Variants in QKI observed in about 807,000 individuals in gnomAD.
QKI encodes the protein QKI, KH domain containing RNA binding.
In QKI, 10 loss-of-function variants were observed where a neutral mutation model predicts 39.0. That is an observed-to-expected ratio of 0.26 (90% confidence interval 0.16 to 0.43). The LOEUF is 0.43. Among genes scored for constraint, QKI ranks in the 20% least tolerant of loss-of-function variants. The probability of loss-of-function intolerance (pLI) is 1.00; values close to 1 mark genes in which losing one functional copy is unlikely to be tolerated. For synonymous variants in QKI, 204 were observed against 155.4 expected (o/e 1.31, Z -2.33); for missense variants, 218 against 428.0 (o/e 0.51, Z 4.33).
chr6:163,539,632 G>A (rs78658548), intron 4 of QKI, among the ~76,000 whole-genome samples: 1 of 152,130 alleles, frequency 6.6e-6, no homozygotes, highest in South Asian at 2.1e-4. Flanking sequence ...AAGAGATGCT[G>A]CATGAATTTG....
chr6:163,449,870 C>G (rs766346476), intron 1 of QKI, among the ~76,000 whole-genome samples: 10 of 151,930 alleles, frequency 6.6e-5, no homozygotes, highest in Non-Finnish European at 1.3e-4. Context: ...AGATTTCTCA[C>G]CCCATATTTT....
At chr6:163,494,381 C>A (rs531777952) in intron 3 of QKI, among the ~76,000 whole-genome samples, 6 of 152,128 alleles carry the variant, frequency 3.9e-5, no homozygotes, top group African/African-American at 1.4e-4. Flanking sequence ...ACTGTAGTAA[C>A]GTTTTGTTCA....
chr6:163,445,380 A>ACTCTGTTGGTTT (rs1554259858), intron 1 of QKI, among the ~76,000 whole-genome samples: 11 of 83,236 alleles, frequency 1.3e-4, no homozygotes, highest in South Asian at 2.9e-4. Flanking sequence ...CTGGTCCAGG[A>ACTCTGTTGGTTT]TTCCACATTG....
chr6:163,440,835 C>T (rs532774975), intron 1 of QKI, among the ~76,000 whole-genome samples: 20 of 149,642 alleles, frequency 1.3e-4, no homozygotes, highest in East Asian at 5.8e-4. Context: ...AATGCATATA[C>T]GAAAAAAATC....
At chr6:163,480,440 C>G (rs1792990474) in intron 3 of QKI, among the ~76,000 whole-genome samples, 1 of 152,172 alleles carries the variant, frequency 6.6e-6, no homozygotes, top group Non-Finnish European at 1.5e-5. Flanking sequence ...TCTGAGCCCT[C>G]CGCCTCATGT....
chr6:163,509,738 A>G (rs1779317533), intron 3 of QKI, among the ~76,000 whole-genome samples: 1 of 152,090 alleles, frequency 6.6e-6, no homozygotes, highest in African/African-American at 2.4e-5. Flanking sequence ...TAATGTATAT[A>G]TAGATATATT....
At chr6:163,539,266 C>A (rs1448021753) in intron 4 of QKI, among the ~76,000 whole-genome samples, 1 of 152,096 alleles carries the variant, frequency 6.6e-6, no homozygotes, top group African/African-American at 2.4e-5. Context: ...AAATCATCAG[C>A]CATTGGATTT....
chr6:163,552,411 C>T lies in QKI; in HGVS notation c.547-9571C>T, dbSNP rs536404264. Among the ~76,000 whole-genome samples the T allele has an allele frequency of 2.6e-5, 4 of 152,012 alleles. No homozygotes were observed. In the South Asian group the frequency reaches 6.2e-4, roughly 24 times the overall value. On this transcript the variant is annotated intron_variant, in intron 4 of 7. Coordinates refer to ENST00000361752, the MANE Select transcript of QKI (RefSeq NM_006775.3). ...TTTTTGACTAGAGACAGGGTTTCAC[C>T]GTGTTAGCCAGGATGGTCTCGATCT...
intron 3 of QKI, among the ~76,000 whole-genome samples, chr6:163,514,104 T>G (rs1358185009): frequency 6.6e-6 from 1 of 152,086 alleles, no homozygotes; most frequent in Non-Finnish European, 1.5e-5. Context: ...TCTGGCACAC[T>G]CAGTGGGAAC....
rs182161650 is a variant in QKI at position 163,544,757 on chromosome 6, C to A, written c.546+9632C>A. Among the ~76,000 whole-genome samples the A allele has an allele frequency of 4.6e-5, 7 of 152,118 alleles. No individual in the cohort carries two copies. In the East Asian group the frequency reaches 1.4e-3, roughly 29 times the overall value. On this transcript the variant is annotated intron_variant, in intron 4 of 7. Transcript: ENST00000361752. ...CAAATAATAATTTGGTTGTTACTAA[C>A]CCTAGTGGCCTGAAAATGTGGATGC...
chr6:163,553,556 A>AAT (rs964681929), intron 4 of QKI, among the ~76,000 whole-genome samples: 103 of 152,168 alleles, frequency 6.8e-4, no homozygotes, highest in African/African-American at 2.2e-3. Flanking sequence ...TTAATCTATA[A>AAT]ATTGATGTGG....
intron 4 of QKI, among the ~76,000 whole-genome samples, chr6:163,541,487 C>T (rs1034775141): frequency 5.2e-5 from 7 of 134,614 alleles, no homozygotes; most frequent in African/African-American, 1.9e-4. Flanking sequence ...AGATCTTCTC[C>T]TATGTCTACC....
chr6:163,519,231 C>T (rs1437446439), intron 3 of QKI, among the ~76,000 whole-genome samples: 1 of 152,086 alleles, frequency 6.6e-6, no homozygotes, highest in Non-Finnish European at 1.5e-5. Context: ...GGAATCCTAA[C>T]CTTCAGTAGC....
rs1385609701 is a variant in QKI, at chr6:163,422,314, G to C, written c.142+6979G>C. Among the ~76,000 whole-genome samples the C allele has an allele frequency of 2.0e-5, 3 of 152,266 alleles. No individual in the cohort carries two copies. In the East Asian group the frequency reaches 5.8e-4, roughly 29 times the overall value. On this transcript the variant is annotated intron_variant, in intron 1 of 7. Transcript: ENST00000361752. ...CTTCATGTATTAGTCTAATATTTTT[G>C]TAGAACTAAATTTTGAGGCTGGGGA...
At chr6:163,431,258 G>A (rs1009089849) in intron 1 of QKI, among the ~76,000 whole-genome samples, 1 of 152,060 alleles carries the variant, frequency 6.6e-6, no homozygotes, top group Admixed American at 6.6e-5. Context: ...AACTGTCCTT[G>A]TCTGGCTTTC....
intron 2 of QKI, among the ~76,000 whole-genome samples, chr6:163,463,457 G>T (rs1305262433): frequency 1.3e-5 from 2 of 152,164 alleles, no homozygotes; most frequent in African/African-American, 4.8e-5. Context: ...CAACACCAAA[G>T]AAATGTTGAA....
At chr6:163,464,455 C>T (rs1292803717) in intron 2 of QKI, among the ~76,000 whole-genome samples, 1 of 151,654 alleles carries the variant, frequency 6.6e-6, no homozygotes, top group Admixed American at 6.6e-5. Context: ...AATTGACAGA[C>T]CTTTAGTTGG....
At chr6:163,529,767 G>A (rs1310705801) in intron 3 of QKI, among the ~76,000 whole-genome samples, 3 of 152,204 alleles carry the variant, frequency 2.0e-5, no homozygotes, top group Non-Finnish European at 4.4e-5. Context: ...CAAAGCACAA[G>A]TAAGCCATGA....
chr6:163,440,055 A>G (rs1339785503), intron 1 of QKI, among the ~76,000 whole-genome samples: 2 of 151,996 alleles, frequency 1.3e-5, no homozygotes, highest in Admixed American at 6.6e-5. Flanking sequence ...TGAATATACC[A>G]TTTCCTTTCC....
Sources: gnomAD v4.1 joint callset for allele counts (sites outside exome capture counted in the v4.1 genomes callset) on GRCh38, gnomAD v4.1.1 for gene constraint, MANE v1.5 for transcripts, NCBI Gene and HGNC (gene_info 2026-07-23, HGNC 2026-07-21) for gene names.